The following DMTF1 variants were observed in gnomAD, a reference collection of about 807,000 sequenced individuals.
The protein encoded by DMTF1 is cyclin D binding myb like transcription factor 1, also known as cyclin-D-binding Myb-like transcription factor 1.
Under a neutral mutation model 91.1 loss-of-function variants are expected in DMTF1, and 39 were observed. The observed-to-expected ratio is 0.43, with a 90% CI of 0.33 to 0.56. DMTF1 has a LOEUF of 0.56. Among genes scored for constraint, DMTF1 ranks in the 20% least tolerant of loss-of-function variants. The pLI, the probability that DMTF1 is intolerant of heterozygous loss-of-function variation, is 0.05. For missense variants in DMTF1, 750 were observed against 914.5 expected (o/e 0.82, Z 2.32); for synonymous variants, 338 against 309.5 (o/e 1.09, Z -0.97).
At chr7:87,188,908 G>C (rs1799100431) in intron 13 of DMTF1, among the ~76,000 whole-genome samples, 1 of 152,034 alleles carries the variant, frequency 6.6e-6, no homozygotes. Context: ...CGTCAGTCTT[G>C]AATTATAGTG....
chr7:87,186,964 T>G (rs1584430863), intron 12 of DMTF1: 1 of 152,208 alleles, frequency 6.6e-6, no homozygotes, highest in African/African-American at 2.4e-5. Context: ...CTAGGTGTGT[T>G]AGAGAAATTC....
chr7:87,159,937 C>T (rs6944648), intron 1 of DMTF1, among the ~76,000 whole-genome samples: 151,209 of 152,364 alleles, frequency 0.99, 75,036 homozygotes, highest in East Asian at 1. Context: ...CAAAATGTTA[C>T]GTGTTACATG....
At chr7:87,188,361 C>G in intron 13 of DMTF1, 60 bp downstream of exon 13, 3 of 1,558,202 alleles carry the variant, frequency 1.9e-6, no homozygotes, top group Non-Finnish European at 2.6e-6. Flanking sequence ...GTTAATGGCT[C>G]TGATGTCTTT....
intron 8 of DMTF1, 96 bp downstream of exon 8, chr7:87,179,798 A>G: frequency 1.7e-6 from 2 of 1,165,408 alleles, no homozygotes; most frequent in Non-Finnish European, 2.4e-6. Context: ...TGGTCAAGGT[A>G]TTAATTGTTG....
chr7:87,194,627 A>T (rs1211912007), intron 16 of DMTF1, 57 bp from the exon 17 acceptor site: 1 of 1,343,612 alleles, frequency 7.4e-7, no homozygotes, highest in East Asian at 2.3e-5. Flanking sequence ...TATACATGGG[A>T]TTTTAAGGAA....
chr7:87,174,765 T>A, intron 7 of DMTF1, 96 bp downstream of exon 7: 1 of 692,082 alleles, frequency 1.4e-6, no homozygotes, highest in Non-Finnish European at 2.4e-6. Flanking sequence ...TAGGAGCTTT[T>A]TACTTATTTT....
chr7:87,180,409 A>C (rs1797075291), intron 8 of DMTF1, among the ~76,000 whole-genome samples: 1 of 152,240 alleles, frequency 6.6e-6, no homozygotes, highest in Non-Finnish European at 1.5e-5. Context: ...CTTGTTAGCA[A>C]TTCATAAACT....
At chr7:87,159,994 G>A (rs567492637) in intron 1 of DMTF1, among the ~76,000 whole-genome samples, 2 of 152,310 alleles carry the variant, frequency 1.3e-5, no homozygotes, top group Non-Finnish European at 2.9e-5. Context: ...TGATAGCAGA[G>A]TTGGCGATTT....
chr7:87,157,806 A>T (rs1447208282), intron 1 of DMTF1, among the ~76,000 whole-genome samples: 1 of 150,360 alleles, frequency 6.7e-6, no homozygotes, highest in Non-Finnish European at 1.5e-5. Context: ...AGACACAATA[A>T]CTCCATTATA....
Position 87,193,270 on chromosome 7 carries a change from C to T in DMTF1, c.1567C>T (p.Leu523=), listed in dbSNP as rs775346432. ...AACAAGCTCAAGCCAAGGCCTTCCC[C>T]TAACTCTGACTGCTAGTCCCACAGT... is the stretch of plus-strand genomic sequence containing the variant. The part of the protein sequence containing the change: ...LQTSSSQGLP[L]TLTASPTVTL... The change falls in exon 15 of 18, where the codon CTA becomes TTA. Residue 523 remains leucine (L), a synonymous_variant. Transcript: ENST00000331242. 1 of 1,613,516 alleles carries T rather than the reference C, an allele frequency of 6.2e-7. No homozygotes were observed. Among genetic ancestry groups the T allele is most frequent in the South Asian group, 1.1e-5 (1 of 91,062 alleles).
Position 87,157,027 on chromosome 7 carries a change from G to GT in DMTF1, c.-132+4473dup, listed in dbSNP as rs1204550907. ...GTGACAGTATGATCTTGTGAAAACAGTAAAAGATAGGCATGCTGATAACAT... is the reference window on the plus strand; with the variant it reads ...GTGACAGTATGATCTTGTGAAAACAGTTAAAAGATAGGCATGCTGATAACAT... On this transcript the variant is annotated intron_variant, in intron 1 of 17. Transcript: ENST00000331242. Among the ~76,000 whole-genome samples, 3 of 152,258 alleles carry GT rather than the reference G, an allele frequency of 2.0e-5. 1 individual carries two copies. The highest frequency in any genetic ancestry group is 7.2e-5 in the African/African-American group (3 of 41,574).
chr7:87,174,292 T>C (rs1036995443), intron 6 of DMTF1, among the ~76,000 whole-genome samples: 1 of 152,148 alleles, frequency 6.6e-6, no homozygotes, highest in African/African-American at 2.4e-5. Flanking sequence ...TGGCTTTTTT[T>C]ATTTTTATAA....
At chr7:87,174,436 C>G (rs1023368440) in intron 6 of DMTF1, among the ~76,000 whole-genome samples, 157 bp from the exon 7 acceptor site, 1 of 152,006 alleles carries the variant, frequency 6.6e-6, no homozygotes, top group African/African-American at 2.4e-5. Flanking sequence ...GTTACAAAAG[C>G]AAGTTTACCT....
chr7:87,173,915 G>T (rs1795669969), intron 6 of DMTF1, among the ~76,000 whole-genome samples: 1 of 152,148 alleles, frequency 6.6e-6, no homozygotes, highest in Non-Finnish European at 1.5e-5. Context: ...CATAGTGGTG[G>T]CATTTAAGAC....
intron 7 of DMTF1, among the ~76,000 whole-genome samples, chr7:87,177,541 T>C (rs1260438537): frequency 6.6e-6 from 1 of 152,178 alleles, no homozygotes; most frequent in African/African-American, 2.4e-5. Context: ...CCCAATTTAG[T>C]GGCCTGTCTT....
intron 1 of DMTF1, among the ~76,000 whole-genome samples, chr7:87,155,777 A>G (rs1439762956): frequency 7.2e-6 from 1 of 138,132 alleles, no homozygotes; most frequent in African/African-American, 2.8e-5. Flanking sequence ...AAGATAATCC[A>G]TTCCATGACT....
chr7:87,186,778 T>G (rs2129170051), intron 12 of DMTF1: 1 of 152,310 alleles, frequency 6.6e-6, no homozygotes, highest in East Asian at 1.9e-4. Flanking sequence ...ACCATCTAGG[T>G]TTGTGTAAGT....
chr7:87,165,573 T>C (rs55813769), intron 3 of DMTF1, among the ~76,000 whole-genome samples: 5,606 of 152,302 alleles, frequency 0.037, 127 homozygotes, highest in East Asian at 0.064. Flanking sequence ...TCACTCTGTA[T>C]ATAATTCATA....
intron 1 of DMTF1, among the ~76,000 whole-genome samples, chr7:87,155,216 T>C (rs1367734280): frequency 6.6e-6 from 1 of 152,196 alleles, no homozygotes; most frequent in Non-Finnish European, 1.5e-5. Context: ...TAAACACACA[T>C]CTGTCTGTTG....
Sources: gnomAD v4.1 joint callset for allele counts (sites outside exome capture counted in the v4.1 genomes callset) on GRCh38, gnomAD v4.1.1 for gene constraint, MANE v1.5 for transcripts, NCBI Gene and HGNC (gene_info 2026-07-23, HGNC 2026-07-21) for gene names.